EFL1: variants seen among roughly 807,000 people sequenced by gnomAD.
EFL1 encodes elongation factor like GTPase 1.
Under a neutral mutation model 126.7 loss-of-function variants are expected in EFL1, and 76 were observed. The observed-to-expected ratio is 0.60, with a 90% CI of 0.50 to 0.73. EFL1 has a LOEUF of 0.73. Ranked by LOEUF, EFL1 falls within the 30% of genes least tolerant of loss-of-function variation. The probability of loss-of-function intolerance (pLI) is 0.00; values close to 1 mark genes in which losing one functional copy is unlikely to be tolerated. For synonymous variants in EFL1, 410 were observed against 448.4 expected (o/e 0.91, Z 1.08); for missense variants, 1,128 against 1,343.2 (o/e 0.84, Z 2.50).
intron 15 of EFL1, among the ~76,000 whole-genome samples, chr15:82,180,956 G>C (rs2074245959): frequency 1.3e-5 from 2 of 152,052 alleles, no homozygotes; most frequent in Non-Finnish European, 2.9e-5. Context: ...TCGAACTTCT[G>C]GGCTCAAGCA....
intron 18 of EFL1, among the ~76,000 whole-genome samples, chr15:82,144,643 GTTGAA>G (rs1240051462): frequency 1.3e-5 from 2 of 152,168 alleles, no homozygotes; most frequent in Non-Finnish European, 2.9e-5. Flanking sequence ...TTAAATCTTT[GTTGAA>G]TTGAATTACA....
chr15:82,145,020 G>A (rs1374595162), intron 18 of EFL1, among the ~76,000 whole-genome samples: 2 of 150,450 alleles, frequency 1.3e-5, no homozygotes, highest in Non-Finnish European at 3.0e-5. Flanking sequence ...AGGAAACAGC[G>A]AGGCCAGGCA....
chr15:82,179,350 T>TA (rs970694033), intron 15 of EFL1, among the ~76,000 whole-genome samples: 4 of 152,154 alleles, frequency 2.6e-5, no homozygotes, highest in Admixed American at 2.6e-4. Flanking sequence ...AATTTTTTTT[T>TA]AAAGCTTTGC....
At chr15:82,179,140 T>C (rs922136871) in intron 15 of EFL1, among the ~76,000 whole-genome samples, 10 of 151,974 alleles carry the variant, frequency 6.6e-5, no homozygotes, top group Admixed American at 1.3e-4. Context: ...TGAGACCCTC[T>C]CTCTAACAAA....
chr15:82,253,410 T>C (rs1040102691), intron 3 of EFL1, among the ~76,000 whole-genome samples: 5 of 148,526 alleles, frequency 3.4e-5, no homozygotes, highest in Admixed American at 1.3e-4. Flanking sequence ...GAAGGGAACA[T>C]GAAAAATTGA....
chr15:82,251,282 C>T (rs1395712221), intron 4 of EFL1, among the ~76,000 whole-genome samples: 1 of 151,974 alleles, frequency 6.6e-6, no homozygotes, highest in African/African-American at 2.4e-5. Context: ...TCACAGAGCT[C>T]GATAAAATAG....
intron 7 of EFL1, among the ~76,000 whole-genome samples, chr15:82,238,092 A>G (rs1192850496): frequency 1.3e-5 from 2 of 152,176 alleles, no homozygotes; most frequent in Non-Finnish European, 2.9e-5. Flanking sequence ...TTGACGGCAA[A>G]TGGCAAAGTC....
chr15:82,164,355 C>A lies in EFL1; in HGVS notation c.1751-371G>T, dbSNP rs112751943. On this transcript the variant is annotated intron_variant, in intron 15 of 19. Coordinates refer to ENST00000268206, the MANE Select transcript of EFL1 (RefSeq NM_024580.6). ...TTAATTTGATGAAGATGGGTCTCTA[C>A]TGAAATAATCTTCTGCCAAATCCAT... Among the ~76,000 whole-genome samples the A allele has an allele frequency of 4.7e-3, 715 of 152,236 alleles. 11 individuals carry two copies. Among genetic ancestry groups the A allele is most frequent in the African/African-American group, 0.017 (687 of 41,534 alleles).
intron 15 of EFL1, among the ~76,000 whole-genome samples, chr15:82,169,934 G>A (rs2074116458): frequency 6.6e-6 from 1 of 152,060 alleles, no homozygotes; most frequent in African/African-American, 2.4e-5. Flanking sequence ...AGTTAATTAC[G>A]ATACAATGTG....
At chr15:82,133,687 G>A (rs1409475849) in intron 19 of EFL1, among the ~76,000 whole-genome samples, 1 of 152,152 alleles carries the variant, frequency 6.6e-6, no homozygotes, top group Non-Finnish European at 1.5e-5. Flanking sequence ...AAGACACCCG[G>A]CCACAAGTTA....
At chr15:82,221,143 T>C (rs1386343500) in intron 12 of EFL1, among the ~76,000 whole-genome samples, 2 of 152,194 alleles carry the variant, frequency 1.3e-5, no homozygotes, top group East Asian at 1.9e-4. Flanking sequence ...GTCCTAACTT[T>C]ATGCTCCAGC....
intron 18 of EFL1, among the ~76,000 whole-genome samples, chr15:82,147,130 C>A (rs548601980): frequency 2.6e-5 from 4 of 152,182 alleles, no homozygotes; most frequent in African/African-American, 9.6e-5. Flanking sequence ...TGATAAACAC[C>A]AACAGCTGAT....
intron 18 of EFL1, among the ~76,000 whole-genome samples, chr15:82,141,674 CA>C (rs1222419584): frequency 2.4e-4 from 14 of 58,644 alleles, no homozygotes; most frequent in East Asian, 1.6e-3. Context: ...ACTCGGTCTC[CA>C]AAAAAAAAAA....
chr15:82,175,254 T>C (rs1318699289), intron 15 of EFL1, among the ~76,000 whole-genome samples: 1 of 152,206 alleles, frequency 6.6e-6, no homozygotes, highest in Non-Finnish European at 1.5e-5. Flanking sequence ...GTACTGACTA[T>C]GACACTGATA....
At chr15:82,197,691 C>T (rs189419408) in intron 15 of EFL1, among the ~76,000 whole-genome samples, 378 of 151,982 alleles carry the variant, frequency 2.5e-3, no homozygotes, top group Non-Finnish European at 4.7e-3. Flanking sequence ...TGAAACAATG[C>T]CTTTAGTAGT....
chr15:82,256,053 C>T (rs962673679), intron 3 of EFL1, among the ~76,000 whole-genome samples: 1 of 152,134 alleles, frequency 6.6e-6, no homozygotes, highest in Non-Finnish European at 1.5e-5. Context: ...ACAGCCAATA[C>T]GTAAATATGG....
intron 4 of EFL1, among the ~76,000 whole-genome samples, chr15:82,251,264 G>A (rs2075018774): frequency 6.6e-6 from 1 of 152,178 alleles, no homozygotes; most frequent in East Asian, 1.9e-4. Context: ...GAGCAGCCAA[G>A]GTCAAGGTCA....
At chr15:82,195,692 G>T (rs1207585547) in intron 15 of EFL1, among the ~76,000 whole-genome samples, 1 of 152,132 alleles carries the variant, frequency 6.6e-6, no homozygotes, top group African/African-American at 2.4e-5. Context: ...TTTTCCTCCT[G>T]CTCAAACTTC....
rs1439189664 is a variant in EFL1, at chr15:82,209,310, G to GACACACAC, written c.1750+5406_1750+5407insGTGTGTGT. 4.0e-3 allele frequency among the ~76,000 whole-genome samples: 384 copies of GACACACAC among 94,926 alleles called. 4 individuals carry two copies. The highest frequency in any genetic ancestry group is 0.014 in the African/African-American group (344 of 25,370). The allele number at this position is 94,926 out of a possible 152,430, so 62.3% of individuals were successfully genotyped here. A position where few individuals can be genotyped will look rare whatever the true frequency, so the allele number is the denominator to read the frequency against. ...CCACATGACTAAGGATTCACACACA[G>GACACACAC]ACACAGACACACACACACACACACA... On this transcript the variant is annotated intron_variant, in intron 15 of 19. Transcript: ENST00000268206.
Sources: allele counts gnomAD v4.1 joint callset (sites outside exome capture counted in the v4.1 genomes callset), GRCh38; gene constraint gnomAD v4.1.1; transcripts MANE v1.5; gene names NCBI Gene and HGNC (gene_info 2026-07-23, HGNC 2026-07-21).